Variants in SEMA5A observed in about 807,000 individuals in gnomAD.
SEMA5A encodes the protein semaphorin-5A.
Under a neutral mutation model 135.5 loss-of-function variants are expected in SEMA5A, and 55 were observed. The ratio of observed to expected loss-of-function variants is 0.41; its 90% CI spans 0.33 to 0.51. The LOEUF is 0.51. SEMA5A is among the 20% of genes least tolerant of loss of function. The pLI is 0.37. For missense variants in SEMA5A, 1,290 were observed against 1,419.9 expected, an observed-to-expected ratio of 0.91 and a Z score of 1.47; for synonymous variants, 580 against 546.5, an observed-to-expected ratio of 1.06 and a Z score of -0.85.
chr5:9,082,264 T>C (rs987722607), intron 16 of SEMA5A, among the ~76,000 whole-genome samples: 6 of 152,212 alleles, frequency 3.9e-5, no homozygotes, highest in Non-Finnish European at 5.9e-5. Context: ...ATTCAAAAGA[T>C]TGAGGATGGA....
intron 8 of SEMA5A, among the ~76,000 whole-genome samples, chr5:9,223,406 G>C (rs568234832): frequency 3.9e-5 from 6 of 152,304 alleles, no homozygotes; most frequent in East Asian, 1.9e-4. Context: ...TTCTCAACTA[G>C]AGTTAATTCC....
intron 15 of SEMA5A, among the ~76,000 whole-genome samples, chr5:9,116,346 C>T (rs1015478247): frequency 6.6e-6 from 1 of 152,208 alleles, no homozygotes; most frequent in Admixed American, 6.5e-5. Flanking sequence ...TGCAGACGTC[C>T]ATTTCTTCCT....
chr5:9,542,908 G>T (rs1738169030), intron 1 of SEMA5A, among the ~76,000 whole-genome samples: 1 of 152,162 alleles, frequency 6.6e-6, no homozygotes, highest in South Asian at 2.1e-4. Flanking sequence ...ATAATGCAAT[G>T]CCTTTATACT....
At chr5:9,274,399 C>T (rs1750147242) in intron 5 of SEMA5A, among the ~76,000 whole-genome samples, 1 of 152,130 alleles carries the variant, frequency 6.6e-6, no homozygotes, top group Non-Finnish European at 1.5e-5. Context: ...TATTTTAACA[C>T]CCCACAGTCA....
chr5:9,508,147 C>T (rs1282463600), intron 1 of SEMA5A, among the ~76,000 whole-genome samples: 2 of 152,070 alleles, frequency 1.3e-5, no homozygotes, highest in East Asian at 1.9e-4. Context: ...TACAAAGCTT[C>T]GAATTTATCA....
chr5:9,427,312 G>A (rs892913707), intron 2 of SEMA5A, among the ~76,000 whole-genome samples: 2 of 152,124 alleles, frequency 1.3e-5, no homozygotes, highest in African/African-American at 2.4e-5. Flanking sequence ...TCTGTCTCGG[G>A]GGGGAAAAAG....
intron 1 of SEMA5A, among the ~76,000 whole-genome samples, chr5:9,445,408 G>A (rs1307169814): frequency 6.6e-6 from 1 of 151,382 alleles, no homozygotes; most frequent in African/African-American, 2.4e-5. Flanking sequence ...GGTGGCTCAC[G>A]CCTGTAATCC....
At chr5:9,224,397 C>G (rs1747174775) in intron 8 of SEMA5A, among the ~76,000 whole-genome samples, 1 of 26,250 alleles carries the variant, frequency 3.8e-5, no homozygotes, top group African/African-American at 1.6e-4. Flanking sequence ...AGACATTAAA[C>G]AACAATATAA....
chr5:9,238,325 A>T (rs1183554133), intron 5 of SEMA5A, among the ~76,000 whole-genome samples: 1 of 152,214 alleles, frequency 6.6e-6, no homozygotes, highest in African/African-American at 2.4e-5. Context: ...ATTTATCAAT[A>T]TTCATAGATA....
In SEMA5A at chr5:9,541,693, C is replaced by G. The variant is rs575510525; in HGVS notation, c.-175+3891G>C. Among the ~76,000 whole-genome samples the G allele has an allele frequency of 3.5e-5, 5 of 144,678 alleles. 1 individual carries two copies. The East Asian group carries it at 1.0e-3, about 29-fold the overall frequency. The allele number at this position is 144,678 out of a possible 152,430, so 94.9% of individuals were successfully genotyped here. ...TGTCAAACAACCATTAATCTTGGAC[C>G]AAAAAAGAAGAAAGAAGATGACAAC... On this transcript the variant is annotated intron_variant, in intron 1 of 22. Coordinates refer to ENST00000382496, the MANE Select transcript of SEMA5A (RefSeq NM_003966.3).
intron 5 of SEMA5A, among the ~76,000 whole-genome samples, chr5:9,272,639 T>G (rs1750041823): frequency 6.6e-6 from 1 of 152,158 alleles, no homozygotes. Context: ...TGGGTGCCCC[T>G]GTGGGACAAA....
intron 3 of SEMA5A, among the ~76,000 whole-genome samples, chr5:9,362,239 C>G (rs576096795): frequency 9.9e-5 from 15 of 152,250 alleles, no homozygotes; most frequent in Non-Finnish European, 2.2e-4. Context: ...TTTATAAGCC[C>G]CAGCCCCCAG....
intron 1 of SEMA5A, among the ~76,000 whole-genome samples, chr5:9,476,112 A>G (rs1759658500): frequency 6.6e-6 from 1 of 152,186 alleles, no homozygotes; most frequent in African/African-American, 2.4e-5. Context: ...ACATCATTCT[A>G]TGTAAAGGCC....
chr5:9,203,150 T>A (rs1310318367), intron 8 of SEMA5A, among the ~76,000 whole-genome samples: 2 of 152,204 alleles, frequency 1.3e-5, no homozygotes, highest in African/African-American at 4.8e-5. Flanking sequence ...ATACACATAC[T>A]CCGTAATATT....
At chr5:9,059,996 C>T (rs964360689) in intron 18 of SEMA5A, among the ~76,000 whole-genome samples, 2 of 152,170 alleles carry the variant, frequency 1.3e-5, no homozygotes, top group Admixed American at 6.5e-5. Flanking sequence ...AGGAATCGGC[C>T]TCTAACTGGC....
intron 4 of SEMA5A, among the ~76,000 whole-genome samples, chr5:9,328,891 G>A (rs1057446927): frequency 1.3e-5 from 2 of 152,166 alleles, no homozygotes; most frequent in Non-Finnish European, 2.9e-5. Flanking sequence ...CCTAAGACTG[G>A]CCCAGTTGGA....
At chr5:9,435,862 T>C (rs1230979611) in intron 2 of SEMA5A, among the ~76,000 whole-genome samples, 1 of 152,242 alleles carries the variant, frequency 6.6e-6, no homozygotes, top group African/African-American at 2.4e-5. Context: ...TCGCCAATTC[T>C]TGATTTAGAT....
intron 8 of SEMA5A, among the ~76,000 whole-genome samples, chr5:9,212,325 A>C (rs1282510103): frequency 6.6e-6 from 1 of 152,236 alleles, no homozygotes; most frequent in East Asian, 1.9e-4. Flanking sequence ...TACAGTAATC[A>C]TTTCAAAGTT....
chr5:9,043,496 T>A (rs1561094131), intron 22 of SEMA5A, among the ~76,000 whole-genome samples: 1 of 152,226 alleles, frequency 6.6e-6, no homozygotes, highest in East Asian at 1.9e-4. Context: ...ATGCCTTAAT[T>A]GCTTTTCATC....
Sources: allele counts gnomAD v4.1 joint callset (sites outside exome capture counted in the v4.1 genomes callset), GRCh38; gene constraint gnomAD v4.1.1; transcripts MANE v1.5; gene names NCBI Gene and HGNC (gene_info 2026-07-23, HGNC 2026-07-21).